Variants in MS4A4E observed in about 807,000 individuals in gnomAD.
The protein encoded by MS4A4E is membrane spanning 4-domains A4E, also known as putative membrane-spanning 4-domains subfamily A member 4E.
A neutral mutation model predicts 13.3 loss-of-function variants in MS4A4E; 23 were observed. The observed-to-expected ratio is 1.73, with a 90% CI of 1.25 to 2.45. MS4A4E has a LOEUF of 2.45. Ranked by LOEUF, MS4A4E falls within the 30% of genes most tolerant of loss-of-function variation. The probability of loss-of-function intolerance (pLI) is 0.00; values close to 1 mark genes in which losing one functional copy is unlikely to be tolerated. For synonymous variants in MS4A4E, 36 were observed against 45.6 expected, an observed-to-expected ratio of 0.79 and a Z score of 0.85; for missense variants, 144 against 131.2, an observed-to-expected ratio of 1.10 and a Z score of -0.48.
rs982682507 is a variant in MS4A4E, at chr11:60,200,405, G to T, written c.*1138C>A. Among the ~76,000 whole-genome samples, 1 of 151,976 alleles carries T rather than the reference G, an allele frequency of 6.6e-6. No homozygotes were observed. Among genetic ancestry groups the T allele is most frequent in the Non-Finnish European group, 1.5e-5 (1 of 67,928 alleles). ...TCAGCAGATAAACAAGTGAACAAAG[G>T]TCTCTGGTTTTCCTAGGCAGAGGAC... On this transcript the variant is annotated 3_prime_UTR_variant, in exon 9 of 9. Coordinates refer to ENST00000651255, the MANE Select transcript of MS4A4E (RefSeq NM_001393391.1).
chr11:60,214,638 G>T, intron 3 of MS4A4E, 24 bp from the exon 4 acceptor site: 2 of 1,471,340 alleles, frequency 1.4e-6, no homozygotes, highest in Non-Finnish European at 1.8e-6. Context: ...ATAAGAATGA[G>T]AGAAAAAAAT....
At chr11:60,209,650 A>G (rs929988643) in intron 5 of MS4A4E, among the ~76,000 whole-genome samples, 3 of 152,234 alleles carry the variant, frequency 2.0e-5, no homozygotes, top group Non-Finnish European at 4.4e-5. Flanking sequence ...CCATCTCCCC[A>G]GAGCACTGGC....
intron 8 of MS4A4E, among the ~76,000 whole-genome samples, chr11:60,203,985 A>C (rs936024126): frequency 6.6e-6 from 1 of 152,354 alleles, no homozygotes; most frequent in African/African-American, 2.4e-5. Flanking sequence ...TATTTGCATT[A>C]GCTTTTTACA....
At position 60,218,094 on chromosome 11, in the gene MS4A4E, G is replaced by C. The variant is rs573754094; in HGVS notation, c.179-3480C>G. Among the ~76,000 whole-genome samples the C allele has an allele frequency of 2.6e-5, 4 of 152,206 alleles. No individual in the cohort carries two copies. The East Asian group carries it at 5.8e-4, about 22-fold the overall frequency. On this transcript the variant is annotated intron_variant, in intron 3 of 8. Transcript: ENST00000651255. ...GCCTGGGGGTATAGGCCTATAAATG[G>C]CCCCCCAGATGTGCCGGTCTCTTAT...
intron 3 of MS4A4E, among the ~76,000 whole-genome samples, chr11:60,217,484 A>G (rs1448246532): frequency 1.3e-5 from 2 of 152,084 alleles, no homozygotes; most frequent in African/African-American, 4.8e-5. Flanking sequence ...CCACACTGCC[A>G]TCAGCCTTTT....
At chr11:60,238,957 A>C (rs991763950) in intron 1 of MS4A4E, among the ~76,000 whole-genome samples, 1 of 152,222 alleles carries the variant, frequency 6.6e-6, no homozygotes, top group African/African-American at 2.4e-5. Flanking sequence ...AGATACATAC[A>C]AAGAGAAATA....
At chr11:60,233,383 T>C (rs958595405) in intron 1 of MS4A4E, among the ~76,000 whole-genome samples, 3 of 152,218 alleles carry the variant, frequency 2.0e-5, no homozygotes, top group African/African-American at 7.2e-5. Context: ...GATGATGTTG[T>C]GCACTGACCC....
chr11:60,235,880 T>C (rs2084476969), intron 1 of MS4A4E, among the ~76,000 whole-genome samples: 1 of 152,224 alleles, frequency 6.6e-6, no homozygotes, highest in African/African-American at 2.4e-5. Context: ...TATACCTAAA[T>C]AGAACGGTAT....
intron 1 of MS4A4E, among the ~76,000 whole-genome samples, chr11:60,232,975 A>G (rs1198428984): frequency 6.6e-6 from 1 of 151,892 alleles, no homozygotes. Context: ...CTCTCTGGGC[A>G]CCCATAGCTT....
intron 6 of MS4A4E, among the ~76,000 whole-genome samples, 176 bp downstream of exon 6, chr11:60,208,417 A>G (rs2084075079): frequency 6.6e-6 from 1 of 152,202 alleles, no homozygotes; most frequent in South Asian, 2.1e-4. Context: ...CAACTCCCTG[A>G]TGACAGAGTC....
chr11:60,224,847 A>G, intron 3 of MS4A4E: 1 of 853,168 alleles, frequency 1.2e-6, no homozygotes, highest in Non-Finnish European at 1.6e-6. Context: ...TAAAAAGGTT[A>G]GATACCATTC....
chr11:60,241,716 C>G (rs974561519), intron 1 of MS4A4E, among the ~76,000 whole-genome samples: 1 of 152,176 alleles, frequency 6.6e-6, no homozygotes, highest in African/African-American at 2.4e-5. Context: ...CTCCACTTCT[C>G]TACAATCAAA....
intron 4 of MS4A4E, chr11:60,213,369 A>C: frequency 6.9e-7 from 1 of 1,443,538 alleles, no homozygotes; most frequent in South Asian, 1.2e-5. Flanking sequence ...ATCATTTATC[A>C]GGGTTTTCAA....
chr11:60,224,095 C>G (rs1389118352), intron 3 of MS4A4E, among the ~76,000 whole-genome samples: 1 of 152,112 alleles, frequency 6.6e-6, no homozygotes, highest in Non-Finnish European at 1.5e-5. Flanking sequence ...TTCCTTGATT[C>G]TAACATAAAC....
chr11:60,220,736 T>C (rs907742939), intron 3 of MS4A4E, among the ~76,000 whole-genome samples: 2 of 152,204 alleles, frequency 1.3e-5, no homozygotes, highest in Non-Finnish European at 2.9e-5. Context: ...TGTCAAGATG[T>C]TCCTTCTAAG....
intron 3 of MS4A4E, among the ~76,000 whole-genome samples, chr11:60,222,874 T>G (rs570580457): frequency 4.6e-5 from 7 of 152,274 alleles, no homozygotes; most frequent in African/African-American, 7.2e-5. Flanking sequence ...AGTCTACTAC[T>G]CCACAATGGA....
At chr11:60,232,737 T>C (rs1181638488) in intron 1 of MS4A4E, among the ~76,000 whole-genome samples, 1 of 152,134 alleles carries the variant, frequency 6.6e-6, no homozygotes, top group Non-Finnish European at 1.5e-5. Flanking sequence ...TGGAACTGAA[T>C]CACTGGCTAG....
intron 3 of MS4A4E, among the ~76,000 whole-genome samples, chr11:60,224,123 T>C (rs1278741358): frequency 6.6e-6 from 1 of 152,222 alleles, no homozygotes; most frequent in Non-Finnish European, 1.5e-5. Context: ...ATAAATTTTA[T>C]TTTTCTTTTG....
intron 2 of MS4A4E, 27 bp downstream of exon 2, chr11:60,229,885 C>T: frequency 1.9e-6 from 3 of 1,571,892 alleles, no homozygotes; most frequent in Non-Finnish European, 2.6e-6. Context: ...CACTATTGGT[C>T]TTCTCCCAGA....
Sources: gnomAD v4.1 joint callset for allele counts (sites outside exome capture counted in the v4.1 genomes callset) on GRCh38, gnomAD v4.1.1 for gene constraint, MANE v1.5 for transcripts, NCBI Gene and HGNC (gene_info 2026-07-23, HGNC 2026-07-21) for gene names.